The following NUDT19 variants were observed in gnomAD, a reference collection of about 807,000 sequenced individuals.
NUDT19 encodes the protein nudix hydrolase 19.
Under a neutral mutation model 22.2 loss-of-function variants are expected in NUDT19, and 31 were observed. That is an observed-to-expected ratio of 1.40 (90% CI 1.05 to 1.89). The LOEUF is 1.89. Ranked by LOEUF, NUDT19 falls within the 40% of genes most tolerant of loss-of-function variation. The pLI is 0.00. For synonymous variants in NUDT19, 325 were observed against 230.8 expected (o/e 1.41, Z -3.70); for missense variants, 752 against 514.2 (o/e 1.46, Z -4.47).
In NUDT19 at chr19:32,692,604, C is replaced by G; in HGVS notation, c.644C>G (p.Ala215Gly). The G allele has an allele frequency of 1.9e-6, 3 of 1,568,786 alleles. No homozygotes were observed. The highest frequency in any genetic ancestry group is 1.2e-5 in the South Asian group (1 of 85,172). ...GGCACCACTCGCCGCTTTGACACGG[C>G]CTTCTTCCTGTGCTGCCTGCGCGAG... is the stretch of plus-strand genomic sequence containing the variant. Reference protein sequence around the residue: ...LRGTTRRFDTAFFLCCLREPP... With the variant: ...LRGTTRRFDTGFFLCCLREPP... Residue 215 changes from alanine to glycine, a missense_variant, in exon 1 of 3, where the codon GCC becomes GGC. Ala to Gly is a moderately conservative substitution (Grantham distance 60, BLOSUM62 0). Transcript: ENST00000397061.
Position 32,692,635 on chromosome 19 carries a change from G to GC in NUDT19, c.678dup (p.Val227ArgfsTer21). 6.5e-7 allele frequency: 1 copy of GC among 1,532,368 alleles called. No individual in the cohort carries two copies. Among genetic ancestry groups the GC allele is most frequent in the African/African-American group, 1.4e-5 (1 of 70,666 alleles). 94.9% of individuals were successfully genotyped at this position (1,532,368 alleles called of 1,614,324 possible). ...TCCTGTGCTGCCTGCGCGAGCCGCCGCCCGTCTACCCCGACTTGGCGGAGG... is the reference window on the plus strand; with the variant it reads ...TCCTGTGCTGCCTGCGCGAGCCGCCGCCCCGTCTACCCCGACTTGGCGGAGG... On this transcript the variant is annotated frameshift_variant, in exon 1 of 3. Coordinates refer to ENST00000397061, the MANE Select transcript of NUDT19 (RefSeq NM_001105570.2). LOFTEE classifies it high-confidence loss of function.
chr19:32,705,168 A>C (rs1304613660), intron 1 of NUDT19, among the ~76,000 whole-genome samples: 1 of 151,026 alleles, frequency 6.6e-6, no homozygotes, highest in East Asian at 1.9e-4. Flanking sequence ...CACGCCTGTA[A>C]CTCCAGCACT....
intron 1 of NUDT19, among the ~76,000 whole-genome samples, chr19:32,708,041 T>C (rs1342975423): frequency 1.3e-5 from 2 of 151,248 alleles, no homozygotes; most frequent in Admixed American, 6.6e-5. Context: ...TTCCAGCTAC[T>C]TGGGAGGCTG....
At chr19:32,697,632 A>T (rs974276638) in intron 1 of NUDT19, among the ~76,000 whole-genome samples, 22 of 152,160 alleles carry the variant, frequency 1.4e-4, no homozygotes, top group African/African-American at 5.3e-4. Flanking sequence ...CTAGTAAGGA[A>T]TTTGTCCCTT....
chr19:32,695,855 T>A (rs1233170360), intron 1 of NUDT19, among the ~76,000 whole-genome samples: 1 of 152,268 alleles, frequency 6.6e-6, no homozygotes, highest in African/African-American at 2.4e-5. Flanking sequence ...TTTTTCTTTT[T>A]TCCTTTCCCA....
chr19:32,692,555 G>C lies in NUDT19; in HGVS notation c.595G>C (p.Ala199Pro). 1 of 1,597,028 alleles carries C rather than the reference G, an allele frequency of 6.3e-7. No individual in the cohort carries two copies. The highest frequency in any genetic ancestry group is 1.7e-4 in the Middle Eastern group (1 of 5,922). ...CATCTGGGCGCTGCACAACTGGAGCGCCTGGCTCACCCCTTTCTTGCGGGG... is the reference window on the plus strand; with the variant it reads ...CATCTGGGCGCTGCACAACTGGAGCCCCTGGCTCACCCCTTTCTTGCGGGG... ...PDIWALHNWSAWLTPFLRGTT... is the reference protein window; with the variant it reads ...PDIWALHNWSPWLTPFLRGTT... Residue 199 changes from alanine (A) to proline (P), a missense_variant, in exon 1 of 3, where the codon GCC (alanine) becomes CCC (proline). By Grantham distance (27) the Ala-to-Pro change is conservative. Transcript: ENST00000397061.
At chr19:32,694,398 A>C (rs571828300) in intron 1 of NUDT19, among the ~76,000 whole-genome samples, 2 of 152,332 alleles carry the variant, frequency 1.3e-5, no homozygotes, top group South Asian at 4.1e-4. Flanking sequence ...CACTGCTGCC[A>C]GAGTCTATTT....
At chr19:32,694,042 A>G (rs1968235719) in intron 1 of NUDT19, among the ~76,000 whole-genome samples, 1 of 152,176 alleles carries the variant, frequency 6.6e-6, no homozygotes, top group African/African-American at 2.4e-5. Flanking sequence ...TTGTTAGTTG[A>G]GCTCATTTGG....
chr19:32,702,762 T>G (rs2145363582), intron 1 of NUDT19, among the ~76,000 whole-genome samples: 1 of 152,380 alleles, frequency 6.6e-6, no homozygotes, highest in Non-Finnish European at 1.5e-5. Context: ...GCTCATTTTT[T>G]GTTCCCATCT....
At chr19:32,708,145 CAAA>C (rs1223120626) in intron 1 of NUDT19, among the ~76,000 whole-genome samples, 11 of 92,938 alleles carry the variant, frequency 1.2e-4, no homozygotes, top group Admixed American at 1.1e-4. Flanking sequence ...AGTACTCGGT[CAAA>C]AAAAAAAAAA....
rs1968183646 is a variant in NUDT19 at position 32,691,862 on chromosome 19, T to G, written c.-99T>G. On this transcript the variant is annotated 5_prime_UTR_variant, in exon 1 of 3. In the 5' UTR this introduces an upstream ATG that the reference lacks. Transcript: ENST00000397061. ...CCAACGCCAGAGGCTCGTCCTCAAT[T>G]CCCGCGAGGCCCCCGGAGGTGCTGG... 1.6e-6 allele frequency: 1 copy of G among 630,610 alleles called. No homozygotes were observed. Among genetic ancestry groups the G allele is most frequent in the Non-Finnish European group, 2.2e-6 (1 of 453,232 alleles). 39.1% of individuals were successfully genotyped at this position (630,610 alleles called of 1,614,324 possible).
chr19:32,708,378 G>C (rs1968410463), intron 1 of NUDT19, among the ~76,000 whole-genome samples: 2 of 150,126 alleles, frequency 1.3e-5, no homozygotes, highest in South Asian at 4.2e-4. Context: ...AGTGAGCCGA[G>C]ATCGGGCCAC....
intron 2 of NUDT19, 87 bp from the exon 3 acceptor site, chr19:32,711,665 C>T (rs1309545194): frequency 4.1e-6 from 3 of 729,966 alleles, no homozygotes; most frequent in African/African-American, 1.8e-5. Context: ...TAAAATAATA[C>T]TCGATGGAAT....
chr19:32,709,232 T>C lies in NUDT19; in HGVS notation c.762T>C (p.Ile254=). 2 of 1,614,082 alleles carry C rather than the reference T, an allele frequency of 1.2e-6. No homozygotes were observed. The highest frequency in any genetic ancestry group is 1.7e-6 in the Non-Finnish European group (2 of 1,180,014). Residue 254 remains isoleucine (I), a synonymous_variant, in exon 2 of 3, where the codon ATT becomes ATC. Transcript: ENST00000397061. ...CTGAAAGTTTCTTATCAAAAGAAAT[T>C]TGGTTGCCACCCCCACAGTTCTACG... The part of the protein sequence containing the change: ...EATESFLSKE[I]WLPPPQFYEV...
intron 1 of NUDT19, among the ~76,000 whole-genome samples, chr19:32,706,521 T>C (rs988741692): frequency 1.3e-5 from 2 of 152,112 alleles, no homozygotes; most frequent in Non-Finnish European, 2.9e-5. Flanking sequence ...CCGTCTCTAC[T>C]AAAAATACAA....
rs781684053 is a variant in NUDT19, at chr19:32,692,180, G to A, written c.220G>A (p.Ala74Thr). ...GGVLDAADRS[A>T]DWLGLFAPHH... Reference sequence around the variant, plus strand: ...AGTGCTGGATGCGGCCGACCGCTCGGCGGACTGGCTGGGCCTCTTCGCGCC... The same window carrying A: ...AGTGCTGGATGCGGCCGACCGCTCGACGGACTGGCTGGGCCTCTTCGCGCC... The change falls in exon 1 of 3, where the codon GCG (alanine) becomes ACG (threonine). Residue 74 changes from alanine to threonine, a missense_variant. Transcript: ENST00000397061. 5 of 1,551,592 alleles carry A rather than the reference G, an allele frequency of 3.2e-6. No individual in the cohort carries two copies. In the African/African-American group the frequency reaches 5.7e-5, roughly 18 times the overall value.
intron 1 of NUDT19, 28 bp downstream of exon 1, chr19:32,692,702 G>A: frequency 4.2e-6 from 6 of 1,425,398 alleles, no homozygotes; most frequent in Non-Finnish European, 4.6e-6. Flanking sequence ...CCTTGCTGCG[G>A]ACCGCCAGGA....
At position 32,713,182 on chromosome 19, in the gene NUDT19, A is replaced by T. The variant is rs113035598; in HGVS notation, c.*1225A>T. On this transcript the variant is annotated 3_prime_UTR_variant, in exon 3 of 3. Coordinates refer to ENST00000397061, the MANE Select transcript of NUDT19 (RefSeq NM_001105570.2). The stretch of plus-strand genomic sequence containing the variant: ...TTATTCTATTTTATTTATTTTTGAG[A>T]CAGAGTCTCGCTCTGTTGCCCAGGC... 2.0e-3 allele frequency: 301 copies of T among 152,142 alleles called. No homozygotes were observed. Among genetic ancestry groups the T allele is most frequent in the African/African-American group, 6.7e-3 (279 of 41,508 alleles). The allele number at this position is 152,142 out of a possible 1,614,324, so 9.4% of individuals were successfully genotyped here. A position where few individuals can be genotyped will look rare whatever the true frequency, so the allele number is the denominator to read the frequency against.
rs1283473360 is a variant in NUDT19, at chr19:32,692,422, T to G, written c.462T>G (p.Pro154=). 1 of 1,556,486 alleles carries G rather than the reference T, an allele frequency of 6.4e-7. No individual in the cohort carries two copies. The part of the protein sequence containing the change: ...RTSPPGPAPG[P]GLALEPPPGL... ...CCCCACCAGGCCCAGCACCCGGGCC[T>G]GGCCTCGCCCTGGAGCCACCGCCGG... The change falls in exon 1 of 3, where the codon CCT becomes CCG. Residue 154 remains proline, a synonymous_variant. Coordinates refer to ENST00000397061, the MANE Select transcript of NUDT19 (RefSeq NM_001105570.2).
Sources: gnomAD v4.1 joint callset for allele counts (sites outside exome capture counted in the v4.1 genomes callset) on GRCh38, gnomAD v4.1.1 for gene constraint, MANE v1.5 for transcripts, NCBI Gene and HGNC (gene_info 2026-07-23, HGNC 2026-07-21) for gene names.